The following RBM27 variants were observed in gnomAD, a reference collection of about 807,000 sequenced individuals.
RBM27 encodes the protein RNA-binding protein 27.
A neutral mutation model predicts 135.3 loss-of-function variants in RBM27; 22 were observed. That is an observed-to-expected ratio of 0.16 (90% CI 0.12 to 0.23). The LOEUF is 0.23. Among genes scored for constraint, RBM27 ranks in the 10% least tolerant of loss-of-function variants. The pLI, the probability that RBM27 is intolerant of heterozygous loss-of-function variation, is 1.00. For synonymous variants in RBM27, 481 were observed against 442.4 expected, an observed-to-expected ratio of 1.09 and a Z score of -1.10; for missense variants, 1,009 against 1,281.0, an observed-to-expected ratio of 0.79 and a Z score of 3.24.
intron 2 of RBM27, among the ~76,000 whole-genome samples, chr5:146,220,011 G>A (rs533951293): frequency 6.3e-4 from 96 of 152,176 alleles, no homozygotes; most frequent in African/African-American, 1.8e-3. Flanking sequence ...GGATTACAAG[G>A]CATGAGCCCC....
At chr5:146,254,338 A>G (rs1662661591) in intron 9 of RBM27, among the ~76,000 whole-genome samples, 1 of 152,150 alleles carries the variant, frequency 6.6e-6, no homozygotes, top group South Asian at 2.1e-4. Flanking sequence ...GGATTAGGTA[A>G]TTAATATATA....
At chr5:146,244,307 G>A (rs568188503) in intron 8 of RBM27, among the ~76,000 whole-genome samples, 81 of 152,202 alleles carry the variant, frequency 5.3e-4, no homozygotes, top group African/African-American at 1.9e-3. Flanking sequence ...GCTGCAGATA[G>A]TACCATTATA....
chr5:146,216,847 C>T (rs528435408), intron 1 of RBM27, among the ~76,000 whole-genome samples: 12 of 151,790 alleles, frequency 7.9e-5, no homozygotes, highest in Admixed American at 3.3e-4. Flanking sequence ...TTGTAGAGAC[C>T]GGATCTCGCT....
intron 1 of RBM27, among the ~76,000 whole-genome samples, chr5:146,215,549 CTG>C (rs1239704855): frequency 1.3e-5 from 2 of 152,138 alleles, no homozygotes; most frequent in African/African-American, 4.8e-5. Context: ...TCCTTTTCTT[CTG>C]TGTTAGACTA....
In RBM27 at chr5:146,263,471, T is replaced by G; in HGVS notation, c.2191-20T>G. The G allele has an allele frequency of 6.2e-7, 1 of 1,604,408 alleles. No homozygotes were observed. The highest frequency in any genetic ancestry group is 8.5e-7 in the Non-Finnish European group (1 of 1,173,634). On this transcript the variant is annotated intron_variant, in intron 13 of 20. Transcript: ENST00000265271. The stretch of plus-strand genomic sequence containing the variant: ...TGTTTTTAAACTTCTGCCACATAAG[T>G]GTTCATTTTGTATGTGCAGATGATG...
At chr5:146,245,788 T>A (rs1292752753) in intron 8 of RBM27, among the ~76,000 whole-genome samples, 2 of 152,164 alleles carry the variant, frequency 1.3e-5, no homozygotes, top group East Asian at 3.8e-4. Flanking sequence ...TTGCGCATTC[T>A]TTATGAGAAT....
rs186373249 is a variant in RBM27 at position 146,261,331 on chromosome 5, T to C, written c.1894-179T>C. 1,884 of 633,500 alleles carry C rather than the reference T, an allele frequency of 3.0e-3. 13 individuals carry two copies. Among genetic ancestry groups the C allele is most frequent in the Middle Eastern group, 3.4e-3 (8 of 2,346 alleles). 39.2% of individuals were successfully genotyped at this position (633,500 alleles called of 1,614,324 possible). A position where few individuals can be genotyped will look rare whatever the true frequency, so the allele number is the denominator to read the frequency against. ...CCGATACTATTCATTAGGATGCACC[T>C]TTGTGACCTCATTTAACCTTAATTA... On this transcript the variant is annotated intron_variant, in intron 12 of 20. Transcript: ENST00000265271.
intron 14 of RBM27, among the ~76,000 whole-genome samples, chr5:146,265,126 T>C (rs1758560610): frequency 6.6e-6 from 1 of 152,080 alleles, no homozygotes; most frequent in Non-Finnish European, 1.5e-5. Flanking sequence ...AGCCAAAATA[T>C]GGAAAGACAT....
At chr5:146,230,943 T>G in intron 6 of RBM27, 26 bp downstream of exon 6, 3 of 1,611,044 alleles carry the variant, frequency 1.9e-6, no homozygotes, top group East Asian at 2.2e-5. Context: ...TTTTCTCATA[T>G]TGTGCCCAAA....
At chr5:146,285,261 A>G (rs1055090884) in intron 20 of RBM27, among the ~76,000 whole-genome samples, 1 of 152,118 alleles carries the variant, frequency 6.6e-6, no homozygotes, top group South Asian at 2.1e-4. Flanking sequence ...GTTGTTTATC[A>G]TTAGTTTATT....
intron 3 of RBM27, among the ~76,000 whole-genome samples, chr5:146,225,598 C>G (rs1425206806): frequency 2.0e-5 from 3 of 148,212 alleles, no homozygotes; most frequent in Admixed American, 1.4e-4. Context: ...ACGGAGTCCG[C>G]TCCATCGCCC....
rs200763468 is a variant in RBM27 at position 146,219,853 on chromosome 5, GT to G, written c.178+754del. ...CATCCACTCTCCTCCTTCCAACCCT[GT>G]TTTGTTTTATTTTTCTTTTTTATTT... On this transcript the variant is annotated intron_variant, in intron 2 of 20. Coordinates refer to ENST00000265271, the MANE Select transcript of RBM27 (RefSeq NM_018989.2). Among the ~76,000 whole-genome samples, 1,391 of 151,878 alleles carry G rather than the reference GT, an allele frequency of 9.2e-3. 24 individuals are homozygous for G. The highest frequency in any genetic ancestry group is 0.032 in the African/African-American group (1,321 of 41,452).
At chr5:146,281,577 A>G (rs1326248917) in intron 19 of RBM27, among the ~76,000 whole-genome samples, 3 of 152,204 alleles carry the variant, frequency 2.0e-5, no homozygotes, top group African/African-American at 7.2e-5. Flanking sequence ...ATAGTGTTTT[A>G]AGAAAGTTTA....
chr5:146,220,501 T>C lies in RBM27; in HGVS notation c.178+1398T>C, dbSNP rs76168358. On this transcript the variant is annotated intron_variant, in intron 2 of 20. Coordinates refer to ENST00000265271, the MANE Select transcript of RBM27 (RefSeq NM_018989.2). ...AAAAAAAAAAAAAAATATATATATA[T>C]ATATATATGTATGTATAGTTGAATG... Among the ~76,000 whole-genome samples, 1,283 of 147,674 alleles carry C rather than the reference T, an allele frequency of 8.7e-3. 28 individuals carry two copies. The highest frequency in any genetic ancestry group is 0.029 in the African/African-American group (1,164 of 40,086).
intron 8 of RBM27, among the ~76,000 whole-genome samples, chr5:146,244,764 C>T (rs1757550802): frequency 1.3e-5 from 2 of 151,776 alleles, no homozygotes; most frequent in Admixed American, 6.6e-5. Flanking sequence ...TGATCTTGAC[C>T]TCCTGGGCTT....
chr5:146,204,037 G>C (rs543960015), intron 1 of RBM27, among the ~76,000 whole-genome samples: 1 of 151,102 alleles, frequency 6.6e-6, no homozygotes, highest in East Asian at 1.9e-4. Context: ...TATGGGGACT[G>C]GGGGGGCAGG....
chr5:146,270,954 G>T lies in RBM27; in HGVS notation c.2692G>T (p.Ala898Ser). 6.2e-7 allele frequency: 1 copy of T among 1,603,362 alleles called. No homozygotes were observed. Among genetic ancestry groups the T allele is most frequent in the Non-Finnish European group, 8.5e-7 (1 of 1,171,922 alleles). ...CTTTTTATTTTCAATTTTTCCAAAG[G>T]CCCAGAAGGAGTTATTAGATACTGA... ...TPSKVKTKTE[A>S]QKELLDTELD... Residue 898 changes from alanine (A) to serine (S), a missense_variant and splice_region_variant, in exon 18 of 21, where the codon GCC (alanine) becomes TCC (serine). Transcript: ENST00000265271.
At chr5:146,203,877 C>T in intron 1 of RBM27, 53 bp downstream of exon 1, 1 of 125,280 alleles carries the variant, frequency 8.0e-6, no homozygotes, top group Admixed American at 1.6e-4. Flanking sequence ...TGGGGGCTCG[C>T]GGGGGCGTGG....
intron 3 of RBM27, among the ~76,000 whole-genome samples, chr5:146,228,471 A>G (rs754057564): frequency 5.3e-5 from 8 of 151,752 alleles, no homozygotes; most frequent in Non-Finnish European, 7.4e-5. Context: ...TAGTCGAGAC[A>G]GGGTTTCACC....
Sources: allele counts gnomAD v4.1 joint callset (sites outside exome capture counted in the v4.1 genomes callset), GRCh38; gene constraint gnomAD v4.1.1; transcripts MANE v1.5; gene names NCBI Gene and HGNC (gene_info 2026-07-23, HGNC 2026-07-21).